CPAMD8: variants seen among roughly 807,000 people sequenced by gnomAD.
CPAMD8 encodes the protein C3 and PZP-like alpha-2-macroglobulin domain-containing protein 8.
Under a neutral mutation model 224.7 loss-of-function variants are expected in CPAMD8, and 146 were observed. The ratio of observed to expected loss-of-function variants is 0.65; its 90% CI spans 0.57 to 0.75. CPAMD8 has a LOEUF of 0.75. CPAMD8 is among the 30% of genes least tolerant of loss of function. The pLI, the probability that CPAMD8 is intolerant of heterozygous loss-of-function variation, is 0.00. For missense variants in CPAMD8, 2,301 were observed against 2,537.5 expected, an observed-to-expected ratio of 0.91 and a Z score of 2.00; for synonymous variants, 966 against 1,044.6, an observed-to-expected ratio of 0.92 and a Z score of 1.45.
chr19:16,893,431 A>G, intron 41 of CPAMD8, 92 bp from the exon 42 acceptor site: 1 of 896,370 alleles, frequency 1.1e-6, no homozygotes, highest in Non-Finnish European at 1.7e-6. Flanking sequence ...TGTCGCTTGT[A>G]GGGTGCCAGG....
intron 23 of CPAMD8, among the ~76,000 whole-genome samples, chr19:16,933,631 A>T (rs868640092): frequency 2.0e-5 from 3 of 152,340 alleles, no homozygotes; most frequent in African/African-American, 7.2e-5. Flanking sequence ...CTGAAACCAC[A>T]GGGAGATGTC....
At chr19:17,026,495 C>A in intron 1 of CPAMD8, 56 bp downstream of exon 1, 1 of 1,442,150 alleles carries the variant, frequency 6.9e-7, no homozygotes, top group South Asian at 1.4e-5. Flanking sequence ...GAGCCAGTAC[C>A]CGCGACCCCC....
intron 26 of CPAMD8, among the ~76,000 whole-genome samples, chr19:16,924,836 C>T (rs755634648): frequency 9.9e-5 from 15 of 152,204 alleles, no homozygotes; most frequent in Non-Finnish European, 2.9e-5. Flanking sequence ...CCTCCTGCCT[C>T]GGCCTCCCAA....
chr19:16,978,884 TCCAA>T (rs1289826787), intron 14 of CPAMD8, among the ~76,000 whole-genome samples: 2 of 150,788 alleles, frequency 1.3e-5, no homozygotes, highest in East Asian at 2.0e-4. Flanking sequence ...CATCCACCCA[TCCAA>T]CCATCCACCC....
intron 25 of CPAMD8, among the ~76,000 whole-genome samples, chr19:16,926,193 T>A (rs2053352190): frequency 6.6e-6 from 1 of 152,130 alleles, no homozygotes; most frequent in Admixed American, 6.5e-5. Context: ...AAATTATGGT[T>A]CTCCCATCCC....
At chr19:16,986,402 A>G (rs1175582611) in intron 13 of CPAMD8, among the ~76,000 whole-genome samples, 1 of 152,114 alleles carries the variant, frequency 6.6e-6, no homozygotes, top group African/African-American at 2.4e-5. Flanking sequence ...CCCTAATCAG[A>G]ACAACAGTCT....
chr19:16,994,315 G>A (rs2056055635), intron 11 of CPAMD8, among the ~76,000 whole-genome samples: 1 of 152,116 alleles, frequency 6.6e-6, no homozygotes, highest in African/African-American at 2.4e-5. Flanking sequence ...CCATACCAGG[G>A]TATGGACAGT....
In CPAMD8 at chr19:17,011,523, G is replaced by A; in HGVS notation, c.434-7C>T. ...GTGAAGATGCTTATGAGCACTAGAAGAAAGAAGAGAGGCGTGTGACACCTC... is the reference window on the plus strand; with the variant it reads ...GTGAAGATGCTTATGAGCACTAGAAAAAAGAAGAGAGGCGTGTGACACCTC... On this transcript the variant is annotated splice_region_variant and splice_polypyrimidine_tract_variant and intron_variant, in intron 4 of 41. Coordinates refer to ENST00000443236, the MANE Select transcript of CPAMD8 (RefSeq NM_015692.5). 1 of 1,614,170 alleles carries A rather than the reference G, an allele frequency of 6.2e-7. No individual in the cohort carries two copies. Among genetic ancestry groups the A allele is most frequent in the Non-Finnish European group, 8.5e-7 (1 of 1,180,034 alleles).
intron 10 of CPAMD8, among the ~76,000 whole-genome samples, chr19:16,998,652 G>C (rs1395320981): frequency 1.3e-5 from 2 of 151,978 alleles, no homozygotes; most frequent in Admixed American, 1.3e-4. Context: ...CAGGAAGGTG[G>C]GTGTCTGTTG....
chr19:16,976,674 G>A (rs1220068304), intron 15 of CPAMD8, among the ~76,000 whole-genome samples: 4 of 151,968 alleles, frequency 2.6e-5, no homozygotes, highest in South Asian at 2.1e-4. Flanking sequence ...CGGGCACAAA[G>A]AAGGGAACAC....
At chr19:16,971,666 G>T (rs984377055) in intron 17 of CPAMD8, among the ~76,000 whole-genome samples, 1 of 152,106 alleles carries the variant, frequency 6.6e-6, no homozygotes, top group Non-Finnish European at 1.5e-5. Flanking sequence ...AATTAAGTAG[G>T]GGTGGTGGTT....
In CPAMD8 at chr19:17,000,431, C is replaced by G. The variant is rs761316453; in HGVS notation, c.850G>C (p.Val284Leu). ...TTTCTCACCTTGGTTGTTCTGAGGA[C>G]AGGGCGTCCCACCTCGTGGCTGTAG... ...GYYSHEVGRPVLRTTKILGSR... is the reference protein window; with the variant it reads ...GYYSHEVGRPLLRTTKILGSR... The change falls in exon 10 of 42, where the codon GTC becomes CTC. Residue 284 changes from valine (V) to leucine (L), a missense_variant. By Grantham distance (32) the Val-to-Leu change is conservative. Transcript: ENST00000443236. 6 of 1,475,444 alleles carry G rather than the reference C, an allele frequency of 4.1e-6. No homozygotes were observed. The South Asian group carries it at 6.8e-5, about 17-fold the overall frequency. 91.4% of individuals were successfully genotyped at this position (1,475,444 alleles called of 1,614,324 possible). A position where few individuals can be genotyped will look rare whatever the true frequency, so the allele number is the denominator to read the frequency against.
intron 1 of CPAMD8, among the ~76,000 whole-genome samples, 199 bp from the exon 2 acceptor site, chr19:17,022,380 C>T (rs1426604885): frequency 1.3e-5 from 2 of 152,186 alleles, no homozygotes; most frequent in Non-Finnish European, 2.9e-5. Flanking sequence ...GTGAAGTCCC[C>T]ATGCTGGGTA....
chr19:16,947,058 A>T lies in CPAMD8; in HGVS notation c.2662+16T>A. 7 of 1,586,122 alleles carry T rather than the reference A, an allele frequency of 4.4e-6. No individual in the cohort carries two copies. The highest frequency in any genetic ancestry group is 6.0e-6 in the Non-Finnish European group (7 of 1,164,502). ...CCTGGAGAGGGGGGACACCCCAAGA[A>T]CTGTGGGGTCCTCACCCGTGATGTT... On this transcript the variant is annotated intron_variant, in intron 21 of 41. Coordinates refer to ENST00000443236, the MANE Select transcript of CPAMD8 (RefSeq NM_015692.5).
chr19:16,978,521 G>C (rs1377553931), intron 14 of CPAMD8, among the ~76,000 whole-genome samples: 1 of 152,162 alleles, frequency 6.6e-6, no homozygotes, highest in Non-Finnish European at 1.5e-5. Context: ...CAGGACTCTG[G>C]CCAGCAGTTC....
At position 16,976,055 on chromosome 19, in the gene CPAMD8, C is replaced by T. The variant is rs561412926; in HGVS notation, c.1855G>A (p.Val619Ile). The T allele has an allele frequency of 6.2e-7, 1 of 1,611,652 alleles. No homozygotes were observed. Among genetic ancestry groups the T allele is most frequent in the African/African-American group, 1.3e-5 (1 of 74,994 alleles). ...CTGAGCAGGTAGACACTCTTATCAA[C>T]TGCGGCGACGCACACACAGCTGCCC... ...ARGSCVCVAA[V>I]DKSVYLLRSG... is the part of the protein sequence containing the mutation. The change falls in exon 16 of 42, where the codon GTT (valine) becomes ATT (isoleucine). Residue 619 changes from valine (V) to isoleucine (I), a missense_variant. By Grantham distance (29) the Val-to-Ile change is conservative (BLOSUM62 3). This residue lies in a region of CPAMD8 where 1,709 missense variants were observed against 1,753.2 expected (regional missense o/e 0.97). Transcript: ENST00000443236.
chr19:16,969,890 C>CA (rs2054990673), intron 18 of CPAMD8, among the ~76,000 whole-genome samples: 1 of 119,116 alleles, frequency 8.4e-6, no homozygotes. Flanking sequence ...AAAAAAAAAA[C>CA]AAAAACAACG....
At chr19:16,897,528 C>T in intron 39 of CPAMD8, 163 bp downstream of exon 39, 1 of 567,126 alleles carries the variant, frequency 1.8e-6, no homozygotes, top group Admixed American at 3.4e-5. Flanking sequence ...CCCCGCCTCC[C>T]CCGTACAGGC....
intron 30 of CPAMD8, among the ~76,000 whole-genome samples, chr19:16,905,578 A>G (rs1428237428): frequency 6.7e-6 from 1 of 150,194 alleles, no homozygotes; most frequent in Non-Finnish European, 1.5e-5. Context: ...AGAAAAAAAA[A>G]AAAAAAAAGA....
Sources: allele counts gnomAD v4.1 joint callset (sites outside exome capture counted in the v4.1 genomes callset), GRCh38; gene constraint gnomAD v4.1.1; regional missense constraint gnomAD v4.1.1; transcripts MANE v1.5; gene names NCBI Gene and HGNC (gene_info 2026-07-23, HGNC 2026-07-21).